HADH: variants seen among roughly 807,000 people sequenced by gnomAD.
The protein encoded by HADH is hydroxyacyl-CoA dehydrogenase.
In HADH, 24 loss-of-function variants were observed where a neutral mutation model predicts 32.2. That is an observed-to-expected ratio of 0.75 (90% CI 0.54 to 1.05). The LOEUF is 1.05. Ranked by LOEUF, HADH falls within the 50% of genes least tolerant of loss-of-function variation. The pLI, the probability that HADH is intolerant of heterozygous loss-of-function variation, is 0.00. For synonymous variants in HADH, 139 were observed against 152.5 expected (o/e 0.91, Z 0.65); for missense variants, 350 against 397.1 (o/e 0.88, Z 1.01).
chr4:108,008,179 C>T (rs544182610), intron 1 of HADH, among the ~76,000 whole-genome samples: 28 of 152,320 alleles, frequency 1.8e-4, no homozygotes, highest in Admixed American at 7.2e-4. Context: ...TTTTACTTTG[C>T]TGCCTGCCCG....
chr4:108,011,799 G>T (rs1735502356), intron 2 of HADH, among the ~76,000 whole-genome samples: 1 of 152,122 alleles, frequency 6.6e-6, no homozygotes, highest in South Asian at 2.1e-4. Flanking sequence ...CCACATCCTG[G>T]CCAACACTTG....
At chr4:108,020,138 A>G (rs1156558277) in intron 4 of HADH, among the ~76,000 whole-genome samples, 1 of 152,146 alleles carries the variant, frequency 6.6e-6, no homozygotes, top group East Asian at 1.9e-4. Flanking sequence ...TTGTCCCCAG[A>G]TGAGGTACAT....
At chr4:108,018,714 G>A (rs1472067091) in intron 3 of HADH, among the ~76,000 whole-genome samples, 1 of 152,038 alleles carries the variant, frequency 6.6e-6, no homozygotes, top group Admixed American at 6.6e-5. Context: ...TTCCTGCCCT[G>A]TTACAGTCCA....
chr4:108,025,606 C>T (rs757380951), intron 5 of HADH: 2 of 152,140 alleles, frequency 1.3e-5, no homozygotes, highest in Admixed American at 6.5e-5. Context: ...ATTGTGTCTC[C>T]TGCTAGGCAC....
intron 1 of HADH, among the ~76,000 whole-genome samples, chr4:108,006,889 C>T (rs62311425): frequency 0.041 from 6,192 of 152,230 alleles, 135 homozygotes; most frequent in Non-Finnish European, 0.057. Flanking sequence ...GTGTTAGTTT[C>T]ACTTACTAGC....
chr4:108,006,935 G>A (rs545363336), intron 1 of HADH, among the ~76,000 whole-genome samples: 17 of 152,270 alleles, frequency 1.1e-4, no homozygotes, highest in African/African-American at 3.6e-4. Flanking sequence ...ACCTCTCTAA[G>A]CCTCAGTTTT....
In HADH at chr4:108,019,639, C is replaced by T. The variant is rs1735812098; in HGVS notation, c.519C>T (p.Asn173=). 1 of 1,614,024 alleles carries T rather than the reference C, an allele frequency of 6.2e-7. No homozygotes were observed. Among genetic ancestry groups the T allele is most frequent in the African/African-American group, 1.3e-5 (1 of 74,930 alleles). The part of the protein sequence containing the change: ...QDRFAGLHFF[N]PVPVMKLVEV... ...GATTCGCTGGCCTCCATTTCTTCAACCCAGTGCCTGTCATGAAACTTGTGG... is the reference window on the plus strand; with the variant it reads ...GATTCGCTGGCCTCCATTTCTTCAATCCAGTGCCTGTCATGAAACTTGTGG... Residue 173 remains asparagine, a synonymous_variant, in exon 4 of 8, where the codon AAC becomes AAT. Coordinates refer to ENST00000309522, the MANE Select transcript of HADH (RefSeq NM_005327.7).
chr4:108,020,702 C>T (rs978160101), intron 4 of HADH, among the ~76,000 whole-genome samples: 2 of 151,992 alleles, frequency 1.3e-5, no homozygotes, highest in Admixed American at 6.6e-5. Flanking sequence ...GAGGAGCAGC[C>T]GCTATTAAAG....
intron 7 of HADH, among the ~76,000 whole-genome samples, chr4:108,033,747 A>G (rs1020267833): frequency 6.6e-6 from 1 of 152,246 alleles, no homozygotes; most frequent in African/African-American, 2.4e-5. Context: ...GGGTAAAAAT[A>G]ATAATTAAAA....
intron 5 of HADH, chr4:108,026,087 G>T (rs1736060917): frequency 1.3e-5 from 2 of 152,030 alleles, no homozygotes; most frequent in South Asian, 4.1e-4. Context: ...TGTCTCCCAG[G>T]TTGGATTGCA....
chr4:108,014,629 A>C (rs747233461), intron 3 of HADH, 41 bp downstream of exon 3: 1 of 1,522,314 alleles, frequency 6.6e-7, no homozygotes, highest in Non-Finnish European at 9.0e-7. Context: ...TTTTTTTTTA[A>C]CCTTATTTTT....
chr4:108,030,962 A>G (rs1015214027), intron 6 of HADH: 2 of 152,320 alleles, frequency 1.3e-5, no homozygotes, highest in East Asian at 3.9e-4. Flanking sequence ...CATGTGCTGT[A>G]TCTTCATATT....
rs567310092 is a variant in HADH at position 108,034,747 on chromosome 4, A to G, written c.*390A>G. The G allele has an allele frequency of 2.9e-6, 1 of 348,520 alleles. No individual in the cohort carries two copies. Among genetic ancestry groups the G allele is most frequent in the East Asian group, 7.5e-5 (1 of 13,398 alleles). 21.6% of individuals were successfully genotyped at this position (348,520 alleles called of 1,614,324 possible). A position where few individuals can be genotyped will look rare whatever the true frequency, so the allele number is the denominator to read the frequency against. On this transcript the variant is annotated 3_prime_UTR_variant, in exon 8 of 8. Transcript: ENST00000309522. Reference sequence around the variant, plus strand: ...CACTGTTGCTGCGTGGGAGAGTCACAAGCCACTGGCAAGCAAGTGGTATAG... The same window carrying G: ...CACTGTTGCTGCGTGGGAGAGTCACGAGCCACTGGCAAGCAAGTGGTATAG...
Position 108,034,557 on chromosome 4 carries a change from T to G in HADH, c.*200T>G. 1.8e-6 allele frequency: 1 copy of G among 567,230 alleles called. No homozygotes were observed. The highest frequency in any genetic ancestry group is 1.9e-5 in the African/African-American group (1 of 53,946). The allele number at this position is 567,230 out of a possible 1,614,324, so 35.1% of individuals were successfully genotyped here. On this transcript the variant is annotated 3_prime_UTR_variant, in exon 8 of 8. Coordinates refer to ENST00000309522, the MANE Select transcript of HADH (RefSeq NM_005327.7). ...GATTCTCCATTAAGAAATAATTCCCTTTTTTAGTCTGTTCATTTCTGTGTA... is the reference window on the plus strand; with the variant it reads ...GATTCTCCATTAAGAAATAATTCCCGTTTTTAGTCTGTTCATTTCTGTGTA...
chr4:108,015,505 T>G (rs541581352), intron 3 of HADH, among the ~76,000 whole-genome samples: 2 of 152,314 alleles, frequency 1.3e-5, no homozygotes, highest in South Asian at 4.1e-4. Flanking sequence ...GCCTTGAACT[T>G]TCCTCCTTGT....
intron 3 of HADH, among the ~76,000 whole-genome samples, chr4:108,018,035 C>A (rs1208086405): frequency 2.0e-5 from 3 of 152,184 alleles, no homozygotes; most frequent in African/African-American, 4.8e-5. Context: ...ACTGGTGATA[C>A]CTGGAACTGG....
chr4:108,024,749 G>A (rs972526723), intron 5 of HADH: 14 of 152,206 alleles, frequency 9.2e-5, no homozygotes, highest in Admixed American at 8.5e-4. Context: ...AAGAACATCT[G>A]TGCAAGACAA....
chr4:108,004,896 C>A (rs1341421929), intron 1 of HADH: 6 of 1,535,608 alleles, frequency 3.9e-6, no homozygotes, highest in South Asian at 1.2e-5. Context: ...GGAAGCCCAG[C>A]TGGGAGGCTA....
chr4:107,998,285 T>G (rs1387661651), intron 1 of HADH, among the ~76,000 whole-genome samples: 1 of 152,054 alleles, frequency 6.6e-6, no homozygotes, highest in Non-Finnish European at 1.5e-5. Context: ...AAATGATTGT[T>G]TTGTTTTGTT....
Sources: allele counts gnomAD v4.1 joint callset (sites outside exome capture counted in the v4.1 genomes callset), GRCh38; gene constraint gnomAD v4.1.1; transcripts MANE v1.5; gene names NCBI Gene and HGNC (gene_info 2026-07-23, HGNC 2026-07-21).